The following DNAH11 variants were observed in gnomAD, a reference collection of about 807,000 sequenced individuals.
The protein encoded by DNAH11 is axonemal beta dynein heavy chain 11.
DNAH11 carries 442 observed loss-of-function variants against 526.0 expected under a neutral mutation model. That is an observed-to-expected ratio of 0.84 (90% CI 0.78 to 0.91). The LOEUF (loss-of-function observed/expected upper bound fraction) is 0.91. DNAH11 is among the 40% of genes least tolerant of loss of function. The pLI is 0.00. For missense variants in DNAH11, 6,989 were observed against 5,448.7 expected (o/e 1.28, Z -8.90); for synonymous variants, 2,461 against 1,935.9 (o/e 1.27, Z -7.12).
intron 55 of DNAH11, among the ~76,000 whole-genome samples, chr7:21,768,329 G>A (rs764896050): frequency 1.3e-5 from 2 of 152,158 alleles, no homozygotes; most frequent in South Asian, 2.1e-4. Context: ...TTTCTACAAC[G>A]AAAAATCAAG....
At position 21,654,002 on chromosome 7, in the gene DNAH11, T is replaced by G. The variant is rs566785865; in HGVS notation, c.4945-1830T>G. On this transcript the variant is annotated intron_variant, in intron 28 of 81. Transcript: ENST00000409508. The stretch of plus-strand genomic sequence containing the variant: ...AAACTGCACTTCCAGAAAAGTTTGT[T>G]ACAGCAGTGGCGCCTGTATGCTTGG... 6.6e-5 allele frequency among the ~76,000 whole-genome samples: 10 copies of G among 152,342 alleles called. No homozygotes were observed. The East Asian group carries it at 1.9e-3, about 29-fold the overall frequency.
intron 75 of DNAH11, among the ~76,000 whole-genome samples, chr7:21,883,988 A>G (rs575855632): frequency 6.6e-5 from 10 of 152,200 alleles, no homozygotes; most frequent in Non-Finnish European, 1.3e-4. Flanking sequence ...GGTTGCAATG[A>G]GCTGTGATTG....
chr7:21,860,963 A>G (rs1783041407), intron 68 of DNAH11, among the ~76,000 whole-genome samples: 1 of 152,186 alleles, frequency 6.6e-6, no homozygotes, highest in South Asian at 2.1e-4. Context: ...CCAGAACAGT[A>G]TGGGAGAAAC....
chr7:21,894,823 C>A lies in DNAH11; in HGVS notation c.12933+18C>A. 6.2e-7 allele frequency: 1 copy of A among 1,609,892 alleles called. No individual in the cohort carries two copies. The highest frequency in any genetic ancestry group is 1.3e-5 in the African/African-American group (1 of 74,918). ...GTTTGAAGGTAAGCTTAAAGTGAGG[C>A]TATAGTAGACTTCAGCACATTGGAA... On this transcript the variant is annotated intron_variant, in intron 78 of 81. Transcript: ENST00000409508.
intron 37 of DNAH11, 58 bp from the exon 38 acceptor site, chr7:21,704,376 T>C: frequency 6.7e-7 from 1 of 1,497,202 alleles, no homozygotes; most frequent in Non-Finnish European, 9.1e-7. Flanking sequence ...CATCTTTAGT[T>C]TTTTAGGTGT....
chr7:21,646,945 G>T (rs10276934), intron 28 of DNAH11, among the ~76,000 whole-genome samples: 14,452 of 152,150 alleles, frequency 0.095, 953 homozygotes, highest in African/African-American at 0.19. Flanking sequence ...TACTGAGCAT[G>T]TGAAGAAATA....
rs1445839693 is a variant in DNAH11, at chr7:21,892,645, T to A, written c.12728T>A (p.Leu4243Gln). 1.2e-5 allele frequency: 20 copies of A among 1,608,716 alleles called. No homozygotes were observed. Among genetic ancestry groups the A allele is most frequent in the Non-Finnish European group, 1.7e-5 (20 of 1,177,068 alleles). The change falls in exon 77 of 82, where the codon CTG (leucine) becomes CAG (glutamine). Residue 4243 changes from leucine to glutamine, a missense_variant. Coordinates refer to ENST00000409508, the MANE Select transcript of DNAH11 (RefSeq NM_001277115.2). ...AGGAATGCACTCAGTGGTGATGAAC[T>A]GGGGCAGTCTACAGAAGAAAAGGTA... ...QPRNALSGDELGQSTEEKVKN... is the reference protein window; with the variant it reads ...QPRNALSGDEQGQSTEEKVKN...
intron 30 of DNAH11, among the ~76,000 whole-genome samples, chr7:21,662,496 A>G (rs574275477): frequency 3.3e-5 from 5 of 152,272 alleles, no homozygotes; most frequent in African/African-American, 1.2e-4. Flanking sequence ...TTTTAATTGA[A>G]AGGTAAATAC....
chr7:21,834,194 A>G (rs1419828869), intron 65 of DNAH11, among the ~76,000 whole-genome samples: 1 of 152,198 alleles, frequency 6.6e-6, no homozygotes, highest in Non-Finnish European at 1.5e-5. Flanking sequence ...GAAATCAATA[A>G]CAGGAGAAAC....
At chr7:21,704,136 A>G (rs1393311371) in intron 37 of DNAH11, among the ~76,000 whole-genome samples, 3 of 152,222 alleles carry the variant, frequency 2.0e-5, no homozygotes, top group Admixed American at 6.5e-5. Flanking sequence ...TGAGGATTCA[A>G]GAGAGAAGGC....
At chr7:21,831,793 GT>G (rs1781784802) in intron 65 of DNAH11, among the ~76,000 whole-genome samples, 1 of 152,076 alleles carries the variant, frequency 6.6e-6, no homozygotes, top group South Asian at 2.1e-4. Flanking sequence ...CATTTAACCA[GT>G]TAAAAGCTTC....
At chr7:21,784,342 T>G in intron 57 of DNAH11, 85 bp from the exon 58 acceptor site, 1 of 957,114 alleles carries the variant, frequency 1.0e-6, no homozygotes, top group South Asian at 1.4e-5. Flanking sequence ...TATTTAACAG[T>G]GCATCTGAGT....
intron 76 of DNAH11, among the ~76,000 whole-genome samples, chr7:21,889,205 C>T (rs900518536): frequency 6.6e-6 from 1 of 152,206 alleles, no homozygotes; most frequent in Non-Finnish European, 1.5e-5. Flanking sequence ...CAAGCTTCAG[C>T]CATGCTGTAG....
At position 21,591,400 on chromosome 7, in the gene DNAH11, A is replaced by C. The variant is rs376848177; in HGVS notation, c.2490A>C (p.Thr830=). 23 of 1,613,962 alleles carry C rather than the reference A, an allele frequency of 1.4e-5. No homozygotes were observed. In the South Asian group the frequency reaches 2.4e-4, roughly 17 times the overall value. Residue 830 remains threonine (T), a synonymous_variant, in exon 14 of 82, where the codon ACA becomes ACC. Coordinates refer to ENST00000409508, the MANE Select transcript of DNAH11 (RefSeq NM_001277115.2). Reference sequence around the variant, plus strand: ...AGTTGGAGCACAGAGTTGAGCGCACACAGAAAAACGTGAAGGTGATCCAGC... The same window carrying C: ...AGTTGGAGCACAGAGTTGAGCGCACCCAGAAAAACGTGAAGGTGATCCAGC... ...TSELEHRVER[T]QKNVKVIQQT...
rs1344734344 is a variant in DNAH11 at position 21,901,026 on chromosome 7, A to G, written c.13323A>G (p.Gln4441=). 1 of 1,608,624 alleles carries G rather than the reference A, an allele frequency of 6.2e-7. No homozygotes were observed. ...LFMEGARWDT[Q]AGTIVEARLK... ...CCATAGGCGCCCGCTGGGACACCCA[A>G]GCAGGAACCATTGTTGAAGCCCGTC... The change falls in exon 82 of 82, where the codon CAA becomes CAG. Residue 4441 remains glutamine (Q), a synonymous_variant. Transcript: ENST00000409508.
intron 54 of DNAH11, among the ~76,000 whole-genome samples, chr7:21,751,084 G>A (rs1786393122): frequency 6.6e-6 from 1 of 152,150 alleles, no homozygotes; most frequent in Non-Finnish European, 1.5e-5. Flanking sequence ...AGCACTTTAG[G>A]AAGCCATGGT....
At chr7:21,675,967 C>G (rs1782865553) in intron 30 of DNAH11, among the ~76,000 whole-genome samples, 1 of 152,004 alleles carries the variant, frequency 6.6e-6, no homozygotes, top group South Asian at 2.1e-4. Flanking sequence ...TGAGAGGAAG[C>G]CAGTCATACA....
At chr7:21,744,724 GA>G (rs1194442181) in intron 50 of DNAH11, 125 bp downstream of exon 50, 1 of 1,432,962 alleles carries the variant, frequency 7.0e-7, no homozygotes, top group East Asian at 2.4e-5. Flanking sequence ...TGTGAATCCA[GA>G]ATACACTTGG....
Position 21,600,920 on chromosome 7 carries a change from T to C in DNAH11, c.3245T>C (p.Phe1082Ser). ...IPEQPPTLEQFKEQIDIYEAL... is the reference protein window; with the variant it reads ...IPEQPPTLEQSKEQIDIYEAL... ...GAACAACCACCAACTCTTGAGCAAT[T>C]CAAAGAACAGGCAAGGAAAACCCTT... Residue 1082 changes from phenylalanine to serine, a missense_variant, in exon 16 of 82, where the codon TTC becomes TCC. Physicochemically the swap from Phe to Ser is radical, Grantham distance 155 (BLOSUM62 -2). Transcript: ENST00000409508. 1 of 1,613,626 alleles carries C rather than the reference T, an allele frequency of 6.2e-7. No homozygotes were observed. Among genetic ancestry groups the C allele is most frequent in the Non-Finnish European group, 8.5e-7 (1 of 1,179,700 alleles).
Sources: gnomAD v4.1 joint callset for allele counts (sites outside exome capture counted in the v4.1 genomes callset) on GRCh38, gnomAD v4.1.1 for gene constraint, MANE v1.5 for transcripts, NCBI Gene and HGNC (gene_info 2026-07-23, HGNC 2026-07-21) for gene names.